The following SMARCC2 variants were observed in gnomAD, a reference collection of about 807,000 sequenced individuals.
SMARCC2 encodes the protein SWI/SNF related BAF chromatin remodeling complex subunit C2, also known as SWI/SNF complex subunit SMARCC2.
SMARCC2 carries 15 observed loss-of-function variants against 151.3 expected under a neutral mutation model. The observed-to-expected ratio is 0.10, with a 90% confidence interval of 0.07 to 0.15. The LOEUF (loss-of-function observed/expected upper bound fraction) is 0.15. Among genes scored for constraint, SMARCC2 ranks in the 10% least tolerant of loss-of-function variants. The probability of loss-of-function intolerance (pLI) is 1.00; values close to 1 mark genes in which losing one functional copy is unlikely to be tolerated. For missense variants in SMARCC2, 1,031 were observed against 1,599.7 expected (o/e 0.64, Z 6.06); for synonymous variants, 590 against 609.5 (o/e 0.97, Z 0.47).
intron 15 of SMARCC2, 46 bp downstream of exon 15, chr12:56,177,976 T>TG: frequency 7.8e-7 from 1 of 1,288,712 alleles, no homozygotes; most frequent in East Asian, 2.3e-5. Flanking sequence ...AGGGTGAATG[T>TG]GGGGACAGGA....
In SMARCC2 at chr12:56,178,531, C is replaced by T. The variant is rs1282203943; in HGVS notation, c.1183G>A (p.Glu395Lys). The T allele has an allele frequency of 6.2e-7, 1 of 1,614,216 alleles. No homozygotes were observed. Among genetic ancestry groups the T allele is most frequent in the East Asian group, 2.2e-5 (1 of 44,888 alleles). Reference sequence around the variant, plus strand: ...TTGTTCCCCGTACTGTTCTCATCCTCATCCTACGAGTATGGAGGCTGCTGG... The same window carrying T: ...TTGTTCCCCGTACTGTTCTCATCCTTATCCTACGAGTATGGAGGCTGCTGG... ...DESMETTGKD[E>K]DENSTGNKGE... is the part of the protein sequence containing the mutation. The change falls in exon 14 of 29, where the codon GAG becomes AAG. Residue 395 changes from glutamate to lysine, a missense_variant. Around this residue, in one of 12 missense-constraint regions of SMARCC2, gnomAD observed 127 missense variants for 141.7 expected, o/e 0.90. Transcript: ENST00000550164.
intron 3 of SMARCC2, 181 bp from the exon 4 acceptor site, chr12:56,185,292 T>A (rs1168801430): frequency 3.6e-6 from 2 of 562,146 alleles, no homozygotes; most frequent in East Asian, 3.2e-5. Context: ...AATTCTCCTG[T>A]CTCAGCCTCC....
At chr12:56,181,382 G>T in intron 10 of SMARCC2, 100 bp downstream of exon 10, 2 of 761,656 alleles carry the variant, frequency 2.6e-6, no homozygotes, top group Non-Finnish European at 4.3e-6. Flanking sequence ...GGCACACCCA[G>T]GTCAGGGCCA....
chr12:56,189,177 A>C (rs1877877627), intron 1 of SMARCC2, among the ~76,000 whole-genome samples, 174 bp downstream of exon 1: 1 of 65,252 alleles, frequency 1.5e-5, no homozygotes. Context: ...GGGTGCGGGG[A>C]GAGGGAGGCT....
At position 56,163,409 on chromosome 12, in the gene SMARCC2, T is replaced by C. The variant is rs1872158179; in HGVS notation, c.*280A>G. 3.7e-6 allele frequency: 1 copy of C among 266,960 alleles called. No homozygotes were observed. Among genetic ancestry groups the C allele is most frequent in the African/African-American group, 2.2e-5 (1 of 44,810 alleles). 16.5% of individuals were successfully genotyped at this position (266,960 alleles called of 1,614,324 possible). On this transcript the variant is annotated 3_prime_UTR_variant, in exon 29 of 29. Transcript: ENST00000550164. ...CTTAGAAGTGGTTAATAGAACCTTG[T>C]ATAAACACCTTTCACCAGCCCTTCC...
At chr12:56,175,787 G>A (rs560186598) in intron 15 of SMARCC2, among the ~76,000 whole-genome samples, 2 of 152,282 alleles carry the variant, frequency 1.3e-5, no homozygotes, top group African/African-American at 4.8e-5. Flanking sequence ...ATTACTCAAT[G>A]TAGGTTGGAC....
chr12:56,169,243 C>T (rs1039763450), intron 25 of SMARCC2, among the ~76,000 whole-genome samples: 2 of 151,994 alleles, frequency 1.3e-5, no homozygotes, highest in Non-Finnish European at 2.9e-5. Context: ...TGCAGTGAGC[C>T]GAGATCTGAC....
chr12:56,171,454 A>C lies in SMARCC2; in HGVS notation c.2186-22T>G. ...TCCTCTGCAAGACCCAGAAAGAATG[A>C]GGCTGGGAGCGGCACAGTGGAACAG... On this transcript the variant is annotated intron_variant, in intron 21 of 28. Transcript: ENST00000550164. This position sits in a 1 kb window ranked among gnomAD's most constrained non-coding sequence, Gnocchi z 4.2. 6.2e-7 allele frequency: 1 copy of C among 1,614,102 alleles called. No individual in the cohort carries two copies. The highest frequency in any genetic ancestry group is 8.5e-7 in the Non-Finnish European group (1 of 1,179,914).
In SMARCC2 at chr12:56,165,713, T is replaced by G. The variant is rs1221426464; in HGVS notation, c.2851-14A>C. ...CTGATACTCCAGCTGCCAGTGCCAA[T>G]TGAGTATTGTTATCCAATTTTCAGC... On this transcript the variant is annotated splice_polypyrimidine_tract_variant and intron_variant, in intron 26 of 28. Coordinates refer to ENST00000550164, the MANE Select transcript of SMARCC2 (RefSeq NM_001330288.2). 6.2e-7 allele frequency: 1 copy of G among 1,605,802 alleles called. No individual in the cohort carries two copies. Among genetic ancestry groups the G allele is most frequent in the Admixed American group, 1.7e-5 (1 of 60,022 alleles).
chr12:56,164,798 ATT>A, intron 27 of SMARCC2, 67 bp from the exon 28 acceptor site: 20 of 1,154,310 alleles, frequency 1.7e-5, no homozygotes, highest in Non-Finnish European at 2.0e-5. Flanking sequence ...CACCTTTTCT[ATT>A]TTTTTTTTAG....
At chr12:56,169,456 G>C (rs1014487398) in intron 25 of SMARCC2, 73 bp downstream of exon 25, 2 of 1,509,456 alleles carry the variant, frequency 1.3e-6, no homozygotes, top group Non-Finnish European at 9.0e-7. Context: ...AGTGAGGAAA[G>C]ATTTCCTCTA....
intron 7 of SMARCC2, 80 bp downstream of exon 7, chr12:56,183,781 G>T: frequency 1.2e-6 from 1 of 855,212 alleles, no homozygotes; most frequent in Non-Finnish European, 1.9e-6. Flanking sequence ...CTGAAAGAGT[G>T]GCCTCTTGCT....
At chr12:56,174,018 T>C (rs1346181692) in intron 16 of SMARCC2, among the ~76,000 whole-genome samples, 169 bp from the exon 17 acceptor site, 1 of 152,210 alleles carries the variant, frequency 6.6e-6, no homozygotes, top group Non-Finnish European at 1.5e-5. Context: ...GTTGTTCATT[T>C]ATCACCTAAA....
Position 56,164,421 on chromosome 12 carries a change from G to A in SMARCC2, c.3543C>T (p.Thr1181=), listed in dbSNP as rs1183974281. 6.8e-6 allele frequency: 11 copies of A among 1,614,038 alleles called. No individual in the cohort carries two copies. The highest frequency in any genetic ancestry group is 9.3e-6 in the Non-Finnish European group (11 of 1,180,034). The stretch of plus-strand genomic sequence containing the variant: ...GAGGCAAGGAAGATGGCATGGTGGT[G>A]GTCGCCGGCAGGTTAGGATGTAGAG... ...ANPLHPNLPA[T]TTMPSSLPLG... is the part of the protein sequence containing the mutation. The change falls in exon 28 of 29, where the codon ACC becomes ACT. Residue 1181 remains threonine, a synonymous_variant. Coordinates refer to ENST00000550164, the MANE Select transcript of SMARCC2 (RefSeq NM_001330288.2).
intron 25 of SMARCC2, among the ~76,000 whole-genome samples, chr12:56,169,203 G>A (rs190555967): frequency 9.9e-5 from 15 of 152,220 alleles, no homozygotes; most frequent in Non-Finnish European, 1.6e-4. Flanking sequence ...GCTGAGGCAG[G>A]AGAATCACTT....
intron 20 of SMARCC2, chr12:56,172,217 AC>A: frequency 1.8e-6 from 1 of 548,036 alleles, no homozygotes; most frequent in Non-Finnish European, 3.2e-6. Context: ...AGTAGCTGGG[AC>A]CACAGGTGTG....
Position 56,162,523 on chromosome 12 carries a change from C to G in SMARCC2, c.*1166G>C. The stretch of plus-strand genomic sequence containing the variant: ...CCTGGTGGGAGGAACCAAGAAGAAC[C>G]AGTGCAGAGCCTGGAGTCACACCTG... On this transcript the variant is annotated 3_prime_UTR_variant, in exon 29 of 29. Coordinates refer to ENST00000550164, the MANE Select transcript of SMARCC2 (RefSeq NM_001330288.2). 1.8e-6 allele frequency: 1 copy of G among 544,844 alleles called. No homozygotes were observed. The highest frequency in any genetic ancestry group is 3.0e-5 in the East Asian group (1 of 33,310). 33.8% of individuals were successfully genotyped at this position (544,844 alleles called of 1,614,324 possible). A position where few individuals can be genotyped will look rare whatever the true frequency, so the allele number is the denominator to read the frequency against.
In SMARCC2 at chr12:56,182,087, G is replaced by A; in HGVS notation, c.633-8C>T. 6.2e-7 allele frequency: 1 copy of A among 1,603,536 alleles called. No homozygotes were observed. The highest frequency in any genetic ancestry group is 1.1e-5 in the South Asian group (1 of 90,536). ...GGGATCCACGTGTCGTAACTGCCAT[G>A]GGAAATTGAGCACACAGTAGAATCA... On this transcript the variant is annotated splice_polypyrimidine_tract_variant and splice_region_variant and intron_variant, in intron 7 of 28. Transcript: ENST00000550164.
At chr12:56,173,113 G>A (rs1874267661) in intron 17 of SMARCC2, 84 bp from the exon 18 acceptor site, 1 of 1,238,604 alleles carries the variant, frequency 8.1e-7, no homozygotes, top group Admixed American at 1.8e-5. Flanking sequence ...CATATGCTGG[G>A]CGGCCCACAA....
Sources: gnomAD v4.1 joint callset for allele counts (sites outside exome capture counted in the v4.1 genomes callset) on GRCh38, gnomAD v4.1.1 for gene constraint, gnomAD v4.1.1 regional missense constraint, Gnocchi (gnomAD v3.1) non-coding constraint, MANE v1.5 for transcripts, NCBI Gene and HGNC (gene_info 2026-07-23, HGNC 2026-07-21) for gene names.